The following MIA3 variants were observed in gnomAD, a reference collection of about 807,000 sequenced individuals.
MIA3 encodes the protein MIA SH3 domain ER export factor 3, also known as transport and Golgi organization protein 1 homolog.
A neutral mutation model predicts 192.4 loss-of-function variants in MIA3; 90 were observed. The observed-to-expected ratio is 0.47, with a 90% CI of 0.39 to 0.56. The LOEUF (loss-of-function observed/expected upper bound fraction) is 0.56. MIA3 is among the 20% of genes least tolerant of loss of function. MIA3 has a pLI of 0.00. For missense variants in MIA3, 2,123 were observed against 2,269.4 expected, an observed-to-expected ratio of 0.94 and a Z score of 1.31; for synonymous variants, 740 against 792.8, an observed-to-expected ratio of 0.93 and a Z score of 1.12.
At chr1:222,660,950 T>C (rs1663978005) in intron 24 of MIA3, 1 of 152,616 alleles carries the variant, frequency 6.6e-6, no homozygotes, top group South Asian at 2.1e-4. Context: ...AAATCATAAA[T>C]GCATAAGATT....
chr1:222,650,671 A>G lies in MIA3; in HGVS notation c.3758A>G (p.Lys1253Arg). Residue 1253 changes from lysine (K) to arginine (R), a missense_variant, in exon 10 of 28, where the codon AAA becomes AGA. Physicochemically the swap from Lys to Arg is conservative, Grantham distance 26 (BLOSUM62 2). Around this residue, in one of 3 missense-constraint regions of MIA3, gnomAD observed 762 missense variants for 856.4 expected, o/e 0.89. Coordinates refer to ENST00000344922, the MANE Select transcript of MIA3 (RefSeq NM_198551.4). ...AAGAAACATGTTCAGGAAACCAGGAAACAAAATATGATTCTCTCTGATGAA... is the reference window on the plus strand; with the variant it reads ...AAGAAACATGTTCAGGAAACCAGGAGACAAAATATGATTCTCTCTGATGAA... ...ESKKHVQETR[K>R]QNMILSDEAI... is the part of the protein sequence containing the mutation. The G allele has an allele frequency of 6.3e-7, 1 of 1,599,652 alleles. No individual in the cohort carries two copies. Among genetic ancestry groups the G allele is most frequent in the Non-Finnish European group, 8.5e-7 (1 of 1,171,688 alleles).
chr1:222,661,728 A>G (rs114447719), intron 24 of MIA3, among the ~76,000 whole-genome samples: 18 of 152,310 alleles, frequency 1.2e-4, no homozygotes, highest in African/African-American at 4.3e-4. Flanking sequence ...AATCCTAAAT[A>G]TGTCTATAAT....
chr1:222,631,490 A>G (rs1232583496), intron 4 of MIA3, among the ~76,000 whole-genome samples: 3 of 152,206 alleles, frequency 2.0e-5, no homozygotes, highest in Non-Finnish European at 4.4e-5. Flanking sequence ...AGGAAAACGT[A>G]TTACTCCAGA....
chr1:222,652,039 AT>A lies in MIA3; in HGVS notation c.3976del (p.Ser1326GlnfsTer17). On this transcript the variant is annotated frameshift_variant, in exon 12 of 28. Transcript: ENST00000344922. LOFTEE classifies it high-confidence loss of function. Reference protein sequence around the residue: ...KDVISMNASEFSEVQIALNEA... With the variant: ...KDVISMNASEXSEVQIALNEA... Reference sequence around the variant, plus strand: ...ATGTTATTTCAATGAATGCCTCAGAATTTTCAGAGGTAAAGCTGACTGTAAT... The same window carrying A: ...ATGTTATTTCAATGAATGCCTCAGAATTTCAGAGGTAAAGCTGACTGTAAT... 1.9e-6 allele frequency: 3 copies of A among 1,561,610 alleles called. No individual in the cohort carries two copies. Among genetic ancestry groups the A allele is most frequent in the Non-Finnish European group, 2.6e-6 (3 of 1,132,420 alleles).
At chr1:222,631,261 A>G (rs1346340869) in intron 4 of MIA3, among the ~76,000 whole-genome samples, 2 of 152,034 alleles carry the variant, frequency 1.3e-5, no homozygotes, top group Non-Finnish European at 2.9e-5. Flanking sequence ...GGCTAGGACT[A>G]CAGGCATGCA....
rs1419518539 is a variant in MIA3, at chr1:222,663,893, C to G, written c.5263-105C>G. ...TTTTGCACTAATTCTGCTCTTTGGACAAGTGCCTGACATCTGCTTCATTGG... is the reference window on the plus strand; with the variant it reads ...TTTTGCACTAATTCTGCTCTTTGGAGAAGTGCCTGACATCTGCTTCATTGG... On this transcript the variant is annotated intron_variant, in intron 26 of 27. Coordinates refer to ENST00000344922, the MANE Select transcript of MIA3 (RefSeq NM_198551.4). 4 of 1,088,976 alleles carry G rather than the reference C, an allele frequency of 3.7e-6. No homozygotes were observed. The South Asian group carries it at 4.7e-5, about 13-fold the overall frequency. 67.5% of individuals were successfully genotyped at this position (1,088,976 alleles called of 1,614,324 possible).
intron 27 of MIA3, 121 bp downstream of exon 27, chr1:222,664,269 C>T (rs1486334421): frequency 9.6e-7 from 1 of 1,042,028 alleles, no homozygotes; most frequent in Non-Finnish European, 1.4e-6. Context: ...TGATTGAGTA[C>T]ACCGTAACTT....
chr1:222,650,713 T>TA lies in MIA3; in HGVS notation c.3798+7dup. On this transcript the variant is annotated splice_region_variant and intron_variant, in intron 10 of 27. Coordinates refer to ENST00000344922, the MANE Select transcript of MIA3 (RefSeq NM_198551.4). ...TCTGATGAAGCAATTAAATATAAGG[T>TA]AAAAACTTCTTTTGGGGATTACATT... The TA allele has an allele frequency of 6.3e-7, 1 of 1,588,268 alleles. No homozygotes were observed. Among genetic ancestry groups the TA allele is most frequent in the Non-Finnish European group, 8.6e-7 (1 of 1,163,980 alleles).
At chr1:222,648,132 G>C (rs866478314) in intron 7 of MIA3, among the ~76,000 whole-genome samples, 50 of 152,026 alleles carry the variant, frequency 3.3e-4, no homozygotes, top group African/African-American at 1.1e-3. Context: ...CTGTCTTTGG[G>C]GGATGATTTG....
chr1:222,631,969 A>G (rs3748630), intron 4 of MIA3, among the ~76,000 whole-genome samples, 196 bp from the exon 5 acceptor site: 22,448 of 152,248 alleles, frequency 0.15, 1,805 homozygotes, highest in Middle Eastern at 0.23. Flanking sequence ...ACTCCTCTGT[A>G]GATTTTATTA....
Position 222,662,246 on chromosome 1 carries a change from T to C in MIA3, c.5183-7T>C, listed in dbSNP as rs1664054517. On this transcript the variant is annotated splice_polypyrimidine_tract_variant and splice_region_variant and intron_variant, in intron 25 of 27. Transcript: ENST00000344922. ...TAAGTCTACATCAGTTCTCTGGTCT[T>C]TAACAGATCCAGGATCTGGTACAGC... The C allele has an allele frequency of 6.2e-7, 1 of 1,612,730 alleles. No homozygotes were observed. The highest frequency in any genetic ancestry group is 8.5e-7 in the Non-Finnish European group (1 of 1,178,878).
At chr1:222,632,423 A>C in intron 5 of MIA3, 97 bp downstream of exon 5, 1 of 1,105,828 alleles carries the variant, frequency 9.0e-7, no homozygotes, top group Non-Finnish European at 1.3e-6. Flanking sequence ...GACTTGTTAA[A>C]TTCAAAGGAA....
intron 6 of MIA3, chr1:222,641,495 G>T (rs1498382): frequency 0.22 from 108,529 of 496,046 alleles, 13,995 homozygotes; most frequent in Admixed American, 0.42. Flanking sequence ...TGACAGCATG[G>T]TGTGCTCCTG....
intron 1 of MIA3, among the ~76,000 whole-genome samples, chr1:222,619,571 C>G (rs1661766691): frequency 6.6e-6 from 1 of 152,166 alleles, no homozygotes; most frequent in Non-Finnish European, 1.5e-5. Context: ...TGATTTTTCC[C>G]TTTAGTTTTC....
chr1:222,650,232 T>C (rs749099284), intron 8 of MIA3, 60 bp from the exon 9 acceptor site: 5 of 912,224 alleles, frequency 5.5e-6, no homozygotes, highest in Non-Finnish European at 9.0e-6. Context: ...TGCTGATACA[T>C]TGGGTAATTC....
rs1571887969 is a variant in MIA3 at position 222,645,144 on chromosome 1, G to A, written c.3478-410G>A. ...TGTGATATTCATTATCATCATATTG[G>A]TTTTATTTGCAGCCATAAAAAGTTA... On this transcript the variant is annotated intron_variant, in intron 6 of 27. Transcript: ENST00000344922. 3.9e-5 allele frequency among the ~76,000 whole-genome samples: 6 copies of A among 152,186 alleles called. No individual in the cohort carries two copies. The South Asian group carries it at 1.2e-3, about 32-fold the overall frequency.
At chr1:222,619,000 T>C (rs1477821341) in intron 1 of MIA3, among the ~76,000 whole-genome samples, 1 of 152,104 alleles carries the variant, frequency 6.6e-6, no homozygotes, top group Non-Finnish European at 1.5e-5. Flanking sequence ...GACCAAAATC[T>C]TTCGCTCTGC....
chr1:222,621,967 C>T (rs993976757), intron 2 of MIA3, among the ~76,000 whole-genome samples: 6 of 152,110 alleles, frequency 3.9e-5, no homozygotes, highest in African/African-American at 9.7e-5. Flanking sequence ...TGCCACCACA[C>T]GGCTAATTTT....
Position 222,665,412 on chromosome 1 carries a change from C to T in MIA3, c.5517C>T (p.His1839=), listed in dbSNP as rs1219475327. The change falls in exon 28 of 28, where the codon CAC becomes CAT. Residue 1839 remains histidine (H), a synonymous_variant. Transcript: ENST00000344922. The stretch of plus-strand genomic sequence containing the variant: ...ACCCTCGGGGATTTTTACCTGGACA[C>T]GCACCATTTAGACCTTTAGGTTCAC... The part of the protein sequence containing the change: ...PLHPRGFLPG[H]APFRPLGSLG... The T allele has an allele frequency of 2.5e-6, 4 of 1,613,832 alleles. No individual in the cohort carries two copies. Among genetic ancestry groups the T allele is most frequent in the East Asian group, 2.2e-5 (1 of 44,884 alleles).
Sources: gnomAD v4.1 joint callset for allele counts (sites outside exome capture counted in the v4.1 genomes callset) on GRCh38, gnomAD v4.1.1 for gene constraint, gnomAD v4.1.1 regional missense constraint, MANE v1.5 for transcripts, NCBI Gene and HGNC (gene_info 2026-07-23, HGNC 2026-07-21) for gene names.